Variants in EDNRA observed in about 807,000 individuals in gnomAD.
EDNRA encodes the protein endothelin-1 receptor.
EDNRA carries 11 observed loss-of-function variants against 41.4 expected under a neutral mutation model. That is an observed-to-expected ratio of 0.27 (90% confidence interval 0.17 to 0.44). EDNRA has a LOEUF of 0.44. EDNRA is among the 20% of genes least tolerant of loss of function. The probability of loss-of-function intolerance (pLI) is 1.00; values close to 1 mark genes in which losing one functional copy is unlikely to be tolerated. For missense variants in EDNRA, 294 were observed against 531.0 expected, an observed-to-expected ratio of 0.55 and a Z score of 4.39; for synonymous variants, 172 against 183.0, an observed-to-expected ratio of 0.94 and a Z score of 0.49.
intron 2 of EDNRA, chr4:147,493,054 A>G (rs943139283): frequency 6.6e-6 from 1 of 152,220 alleles, no homozygotes; most frequent in Non-Finnish European, 1.5e-5. Context: ...GACTGTTCCC[A>G]TGGCTGAGGA....
chr4:147,534,515 T>G (rs1247951315), intron 4 of EDNRA, among the ~76,000 whole-genome samples: 1 of 152,216 alleles, frequency 6.6e-6, no homozygotes. Flanking sequence ...CTATTATGAA[T>G]GTACCCAACA....
At chr4:147,492,268 G>C (rs1349552477) in intron 2 of EDNRA, 1 of 152,202 alleles carries the variant, frequency 6.6e-6, no homozygotes, top group Non-Finnish European at 1.5e-5. Flanking sequence ...TGTATCTCCT[G>C]TGCCCAGCTT....
chr4:147,525,586 G>A (rs11942620), intron 3 of EDNRA, among the ~76,000 whole-genome samples: 1,592 of 134,410 alleles, frequency 0.012, 26 homozygotes, highest in African/African-American at 0.052. Context: ...CTTTGAGTTT[G>A]TTTGGAGGCA....
chr4:147,487,450 G>A (rs1183493993), intron 2 of EDNRA, among the ~76,000 whole-genome samples: 2 of 152,152 alleles, frequency 1.3e-5, no homozygotes, highest in Non-Finnish European at 2.9e-5. Context: ...CCCAAGAAGA[G>A]TATTTTCCTC....
rs184640388 is a variant in EDNRA, at chr4:147,544,635, A to G, written c.*2017A>G. On this transcript the variant is annotated 3_prime_UTR_variant, in exon 8 of 8. Transcript: ENST00000651419. ...ATCTATTATTCCACTGGCGCATCAT[A>G]TGCAGTGATATATGCCTATAATATA... The G allele has an allele frequency of 6.6e-6, 1 of 152,590 alleles. No individual in the cohort carries two copies. The highest frequency in any genetic ancestry group is 1.9e-4 in the East Asian group (1 of 5,194). 9.5% of individuals were successfully genotyped at this position (152,590 alleles called of 1,614,324 possible).
In EDNRA at chr4:147,540,198, G is replaced by A. The variant is rs564206589; in HGVS notation, c.1035-179G>A. ...GAGCTAACCAACTAGTGATGTATCT[G>A]TAACTGTCCTGCAAAACTGAAACTG... On this transcript the variant is annotated intron_variant, in intron 6 of 7. Coordinates refer to ENST00000651419, the MANE Select transcript of EDNRA (RefSeq NM_001957.4). Among the ~76,000 whole-genome samples the A allele has an allele frequency of 2.6e-5, 4 of 152,276 alleles. No homozygotes were observed. In the East Asian group the frequency reaches 7.7e-4, roughly 29 times the overall value.
chr4:147,486,196 A>G lies in EDNRA; in HGVS notation c.420+95A>G. ...AGACTTTTCTGACCTTTGGAATTTT[A>G]TCTGTGTTTTTACTGAGAGCTATTT... On this transcript the variant is annotated intron_variant, in intron 2 of 7. Coordinates refer to ENST00000651419, the MANE Select transcript of EDNRA (RefSeq NM_001957.4). This position sits in a 1 kb window ranked among gnomAD's most constrained non-coding sequence, Gnocchi z 4.3. The G allele has an allele frequency of 7.2e-7, 1 of 1,391,646 alleles. No individual in the cohort carries two copies. Among genetic ancestry groups the G allele is most frequent in the South Asian group, 1.5e-5 (1 of 68,956 alleles). The allele number at this position is 1,391,646 out of a possible 1,614,324, so 86.2% of individuals were successfully genotyped here. A position where few individuals can be genotyped will look rare whatever the true frequency, so the allele number is the denominator to read the frequency against.
intron 2 of EDNRA, among the ~76,000 whole-genome samples, chr4:147,505,070 G>A (rs1215986818): frequency 6.8e-6 from 1 of 147,758 alleles, no homozygotes; most frequent in Non-Finnish European, 1.5e-5. Context: ...GACATGTACA[G>A]AAATTTTACT....
rs1051260580 is a variant in EDNRA, at chr4:147,519,241, T to A, written c.421-610T>A. On this transcript the variant is annotated intron_variant, in intron 2 of 7. Coordinates refer to ENST00000651419, the MANE Select transcript of EDNRA (RefSeq NM_001957.4). The surrounding 1 kb of genome is among the most constrained non-coding windows in gnomAD (Gnocchi z 4.1). ...AATGTAAGTTCAAAGTGGCTTTAGG[T>A]GTTAGCTAGCTGCCAAAATTAGTAG... is the stretch of plus-strand genomic sequence containing the variant. Among the ~76,000 whole-genome samples the A allele has an allele frequency of 1.3e-5, 2 of 152,216 alleles. No homozygotes were observed. Among genetic ancestry groups the A allele is most frequent in the African/African-American group, 4.8e-5 (2 of 41,450 alleles).
At chr4:147,536,619 A>G (rs868450864) in intron 5 of EDNRA, among the ~76,000 whole-genome samples, 1 of 152,156 alleles carries the variant, frequency 6.6e-6, no homozygotes, top group Non-Finnish European at 1.5e-5. Context: ...TGGAATAGGA[A>G]CCATGCATTT....
intron 3 of EDNRA, among the ~76,000 whole-genome samples, chr4:147,522,953 T>G (rs549603859): frequency 3.5e-4 from 53 of 152,332 alleles, no homozygotes; most frequent in African/African-American, 1.2e-3. Flanking sequence ...CCTGGAAACA[T>G]GGGACATCTT....
At chr4:147,506,720 G>A in intron 2 of EDNRA, 1 of 340,950 alleles carries the variant, frequency 2.9e-6, no homozygotes, top group Non-Finnish European at 5.8e-6. Flanking sequence ...CGTGGGAGCT[G>A]AAACCAGAGT....
At chr4:147,509,626 C>A (rs1487970170) in intron 2 of EDNRA, among the ~76,000 whole-genome samples, 1 of 152,142 alleles carries the variant, frequency 6.6e-6, no homozygotes. Context: ...ACCTCATGAG[C>A]TTTGCCTCCT....
chr4:147,539,025 G>C (rs1052205876), intron 5 of EDNRA, among the ~76,000 whole-genome samples: 2 of 152,092 alleles, frequency 1.3e-5, no homozygotes, highest in African/African-American at 4.8e-5. Context: ...CTAATTTATA[G>C]ATTTTCTGAT....
At chr4:147,495,744 T>C (rs1347087785) in intron 2 of EDNRA, 1 of 152,240 alleles carries the variant, frequency 6.6e-6, no homozygotes, top group African/African-American at 2.4e-5. Context: ...TGAATGTCTA[T>C]GGCTAGCCCA....
intron 2 of EDNRA, among the ~76,000 whole-genome samples, chr4:147,497,862 C>G (rs1390214617): frequency 1.3e-5 from 2 of 152,172 alleles, no homozygotes; most frequent in African/African-American, 2.4e-5. Context: ...TGAGCCACCG[C>G]GCCCAGCCTC....
At chr4:147,541,560 T>C (rs1235975381) in intron 7 of EDNRA, among the ~76,000 whole-genome samples, 1 of 152,202 alleles carries the variant, frequency 6.6e-6, no homozygotes, top group Admixed American at 6.5e-5. Flanking sequence ...GAGGGTAATA[T>C]ATGTAAAATG....
rs869077171 is a variant in EDNRA at position 147,505,327 on chromosome 4, ATTTTTTTTTTTTTT to A, written c.421-14509_421-14496del. The stretch of plus-strand genomic sequence containing the variant: ...AGAGAGTTTGGCAGTTTCTTTTTTC[ATTTTTTTTTTTTTT>A]TTTTTTTTTTTTTTGGAGGTGGAGT... On this transcript the variant is annotated intron_variant, in intron 2 of 7. Transcript: ENST00000651419. Among the ~76,000 whole-genome samples, 4 of 79,696 alleles carry A rather than the reference ATTTTTTTTTTTTTT, an allele frequency of 5.0e-5. 1 individual carries two copies. Among genetic ancestry groups the A allele is most frequent in the East Asian group, 3.8e-4 (1 of 2,650 alleles). The allele number at this position is 79,696 out of a possible 152,430, so 52.3% of individuals were successfully genotyped here. A position where few individuals can be genotyped will look rare whatever the true frequency, so the allele number is the denominator to read the frequency against.
chr4:147,532,442 T>C, intron 3 of EDNRA, 64 bp from the exon 4 acceptor site: 4 of 1,478,778 alleles, frequency 2.7e-6, no homozygotes, highest in Non-Finnish European at 2.8e-6. Flanking sequence ...CACTTACAAT[T>C]TTTGTTTAAT....
Sources: gnomAD v4.1 joint callset for allele counts (sites outside exome capture counted in the v4.1 genomes callset) on GRCh38, gnomAD v4.1.1 for gene constraint, Gnocchi (gnomAD v3.1) non-coding constraint, MANE v1.5 for transcripts, NCBI Gene and HGNC (gene_info 2026-07-23, HGNC 2026-07-21) for gene names.